Variants in PTPRQ observed in about 807,000 individuals in gnomAD.
PTPRQ encodes the protein protein tyrosine phosphatase receptor type Q.
PTPRQ carries 199 observed loss-of-function variants against 246.0 expected under a neutral mutation model. That is an observed-to-expected ratio of 0.81 (90% CI 0.72 to 0.91). The LOEUF (loss-of-function observed/expected upper bound fraction) is 0.91, where lower values mean the gene tolerates loss of function less well. PTPRQ is among the 40% of genes least tolerant of loss of function. PTPRQ has a pLI of 0.00. For synonymous variants in PTPRQ, 869 were observed against 853.2 expected, an observed-to-expected ratio of 1.02 and a Z score of -0.32; for missense variants, 2,624 against 2,528.4, an observed-to-expected ratio of 1.04 and a Z score of -0.81.
chr12:80,659,956 C>G (rs1453640865), intron 39 of PTPRQ, among the ~76,000 whole-genome samples: 1 of 152,006 alleles, frequency 6.6e-6, no homozygotes, highest in African/African-American at 2.4e-5. Context: ...CAGATGGGAA[C>G]AGATGTAGCA....
At chr12:80,445,378 A>G (rs1367455771) in intron 2 of PTPRQ, 113 bp from the exon 3 acceptor site, 2 of 661,176 alleles carry the variant, frequency 3.0e-6, no homozygotes, top group Non-Finnish European at 5.1e-6. Flanking sequence ...GTGTGAACTC[A>G]TATTGCTCTT....
chr12:80,499,682 C>T (rs1445854523), intron 14 of PTPRQ, among the ~76,000 whole-genome samples: 1 of 151,668 alleles, frequency 6.6e-6, no homozygotes, highest in Non-Finnish European at 1.5e-5. Flanking sequence ...AATGCCTTAT[C>T]TTTTTAAGAG....
At chr12:80,601,772 T>C (rs1311982021) in intron 26 of PTPRQ, among the ~76,000 whole-genome samples, 3 of 151,762 alleles carry the variant, frequency 2.0e-5, no homozygotes, top group Non-Finnish European at 4.4e-5. Flanking sequence ...CTTATATTTA[T>C]ATTTTTCAAG....
chr12:80,623,196 T>C (rs1899061351), intron 33 of PTPRQ, among the ~76,000 whole-genome samples: 1 of 152,126 alleles, frequency 6.6e-6, no homozygotes, highest in Non-Finnish European at 1.5e-5. Context: ...CCACCATTTT[T>C]AGCCAGAAAT....
chr12:80,589,486 T>A (rs73150745), intron 26 of PTPRQ, among the ~76,000 whole-genome samples: 24 of 152,316 alleles, frequency 1.6e-4, no homozygotes, highest in Non-Finnish European at 2.5e-4. Context: ...TGATACTTAT[T>A]AGTATAGTAA....
At chr12:80,646,862 A>G (rs1900093245) in intron 35 of PTPRQ, among the ~76,000 whole-genome samples, 1 of 152,220 alleles carries the variant, frequency 6.6e-6, no homozygotes, top group African/African-American at 2.4e-5. Context: ...TTAAAACAAA[A>G]AAATGTATAT....
chr12:80,591,078 T>A (rs1490913731), intron 26 of PTPRQ, among the ~76,000 whole-genome samples: 1 of 151,056 alleles, frequency 6.6e-6, no homozygotes, highest in East Asian at 1.9e-4. Flanking sequence ...AATTACACGA[T>A]CATTTTTATT....
chr12:80,673,360 A>T, intron 43 of PTPRQ, 56 bp downstream of exon 43: 1 of 1,514,142 alleles, frequency 6.6e-7, no homozygotes, highest in South Asian at 1.3e-5. Context: ...CACATGGGAG[A>T]TCTTAGTGGC....
intron 25 of PTPRQ, 34 bp downstream of exon 25, chr12:80,549,768 C>A (rs1464631238): frequency 4.7e-6 from 7 of 1,505,204 alleles, no homozygotes; most frequent in South Asian, 4.0e-5. Context: ...TAACATGAAA[C>A]CTTTAACTAT....
At chr12:80,672,185 C>T (rs926070147) in intron 42 of PTPRQ, among the ~76,000 whole-genome samples, 10 of 151,716 alleles carry the variant, frequency 6.6e-5, no homozygotes, top group Non-Finnish European at 1.2e-4. Context: ...ATTTATGTGT[C>T]GTTTTCCTCT....
chr12:80,545,753 T>C (rs1426781923), intron 23 of PTPRQ, among the ~76,000 whole-genome samples: 1 of 147,820 alleles, frequency 6.8e-6, no homozygotes, highest in East Asian at 1.9e-4. Flanking sequence ...TATTTTAAAA[T>C]AATAATAATT....
intron 8 of PTPRQ, among the ~76,000 whole-genome samples, chr12:80,474,658 T>C (rs895185441): frequency 1.3e-5 from 2 of 152,222 alleles, no homozygotes; most frequent in Non-Finnish European, 2.9e-5. Context: ...TCCAAAGCTA[T>C]AAAATGTCAT....
chr12:80,611,025 T>C lies in PTPRQ; in HGVS notation c.4918+400T>C, dbSNP rs1443328282. Among the ~76,000 whole-genome samples the C allele has an allele frequency of 2.0e-5, 3 of 150,524 alleles. No homozygotes were observed. The East Asian group carries it at 5.9e-4, about 29-fold the overall frequency. On this transcript the variant is annotated intron_variant, in intron 28 of 44. Coordinates refer to ENST00000644991, the MANE Select transcript of PTPRQ (RefSeq NM_001145026.2). ...ATTATTTGAATGAATATTAAACTTG[T>C]AATACTCTGTGAGTATTAAATAATC...
At position 80,678,618 on chromosome 12, in the gene PTPRQ, T is replaced by C. The variant is rs908375409; in HGVS notation, c.6755T>C (p.Leu2252Ser). The C allele has an allele frequency of 2.6e-6, 4 of 1,549,672 alleles. No homozygotes were observed. Among genetic ancestry groups the C allele is most frequent in the Admixed American group, 3.9e-5 (2 of 50,824 alleles). ...GGTGTCTAGGCACAGTATATCTTTT[T>C]ACACCAGTGCATTCTGGATCTCTTA... ...MVQNLAQYIF[L>S]HQCILDLLSN... Residue 2252 changes from leucine to serine, a missense_variant, in exon 44 of 45, where the codon TTA (leucine) becomes TCA (serine). Transcript: ENST00000644991.
At chr12:80,634,180 T>C (rs1899551855) in intron 34 of PTPRQ, among the ~76,000 whole-genome samples, 1 of 152,210 alleles carries the variant, frequency 6.6e-6, no homozygotes, top group Admixed American at 6.5e-5. Flanking sequence ...CTCAACTAAA[T>C]TGTAATGTCT....
chr12:80,598,857 G>A (rs1017824861), intron 26 of PTPRQ, among the ~76,000 whole-genome samples: 3 of 151,950 alleles, frequency 2.0e-5, no homozygotes, highest in South Asian at 2.1e-4. Flanking sequence ...TTTTAGGAAA[G>A]TGATCATAAC....
intron 9 of PTPRQ, 24 bp from the exon 10 acceptor site, chr12:80,493,251 T>C: frequency 4.2e-6 from 6 of 1,413,632 alleles, no homozygotes; most frequent in Non-Finnish European, 5.6e-6. Context: ...CACAGTCTTT[T>C]AAAATATCTA....
chr12:80,446,886 T>C (rs1384622552), intron 3 of PTPRQ, among the ~76,000 whole-genome samples: 1 of 152,010 alleles, frequency 6.6e-6, no homozygotes, highest in Non-Finnish European at 1.5e-5. Context: ...ACATGAGTGA[T>C]GGTGTCTTTG....
At chr12:80,606,364 T>A (rs1384284944) in intron 27 of PTPRQ, among the ~76,000 whole-genome samples, 1 of 151,050 alleles carries the variant, frequency 6.6e-6, no homozygotes, top group African/African-American at 2.4e-5. Context: ...CCCTGGGGAC[T>A]ATCAACACTT....
Sources: gnomAD v4.1 joint callset for allele counts (sites outside exome capture counted in the v4.1 genomes callset) on GRCh38, gnomAD v4.1.1 for gene constraint, MANE v1.5 for transcripts, NCBI Gene and HGNC (gene_info 2026-07-23, HGNC 2026-07-21) for gene names.